LMBR1: variants seen among roughly 807,000 people sequenced by gnomAD.
LMBR1 encodes the protein limb development membrane protein 1.
Under a neutral mutation model 73.9 loss-of-function variants are expected in LMBR1, and 52 were observed. The observed-to-expected ratio is 0.70, with a 90% confidence interval of 0.56 to 0.89. LMBR1 has a LOEUF of 0.89. Among genes scored for constraint, LMBR1 ranks in the 40% least tolerant of loss-of-function variants. LMBR1 has a pLI of 0.00. For missense variants in LMBR1, 539 were observed against 579.8 expected (o/e 0.93, Z 0.72); for synonymous variants, 215 against 209.4 (o/e 1.03, Z -0.23).
intron 15 of LMBR1, among the ~76,000 whole-genome samples, chr7:156,698,743 C>A (rs1379640107): frequency 6.6e-6 from 1 of 152,148 alleles, no homozygotes; most frequent in African/African-American, 2.4e-5. Context: ...CTAAACCTCC[C>A]AGCCTGTGAT....
At chr7:156,689,330 T>C in intron 15 of LMBR1, among the ~76,000 whole-genome samples, 1 of 152,306 alleles carries the variant, frequency 6.6e-6, no homozygotes, top group African/African-American at 2.4e-5. Context: ...CAATCGTCTA[T>C]AAAATTGTAT....
intron 15 of LMBR1, among the ~76,000 whole-genome samples, chr7:156,703,228 T>C (rs1303029737): frequency 1.3e-5 from 2 of 152,094 alleles, no homozygotes; most frequent in South Asian, 2.1e-4. Context: ...GTGTGGAAAT[T>C]AGCAGCACCA....
intron 15 of LMBR1, among the ~76,000 whole-genome samples, chr7:156,715,306 A>C (rs1374569935): frequency 3.9e-5 from 6 of 152,292 alleles, no homozygotes; most frequent in Non-Finnish European, 8.8e-5. Flanking sequence ...CTATTTAAAA[A>C]TAAACAGTTC....
At chr7:156,840,598 T>C (rs954461685) in intron 1 of LMBR1, among the ~76,000 whole-genome samples, 5 of 151,896 alleles carry the variant, frequency 3.3e-5, no homozygotes, top group Non-Finnish European at 5.9e-5. Flanking sequence ...AATTCCACTG[T>C]AGGATTCTGA....
At chr7:156,748,490 AT>A (rs547652353) in intron 9 of LMBR1, among the ~76,000 whole-genome samples, 81 of 151,538 alleles carry the variant, frequency 5.3e-4, no homozygotes, top group African/African-American at 1.7e-3. Flanking sequence ...ACAAATTTGG[AT>A]TTTTTTTTCT....
chr7:156,800,062 T>C (rs1248550093), intron 4 of LMBR1, among the ~76,000 whole-genome samples: 1 of 152,190 alleles, frequency 6.6e-6, no homozygotes, highest in Non-Finnish European at 1.5e-5. Flanking sequence ...AACATAAAAG[T>C]GCAAGGTGAA....
At chr7:156,674,000 TC>T (rs35528114), downstream of LMBR1, among the ~76,000 whole-genome samples, 2 of 152,084 alleles carry the variant, frequency 1.3e-5, no homozygotes, top group African/African-American at 4.8e-5. Flanking sequence ...AAATGCATTT[TC>T]CCCATCACAT....
chr7:156,799,286 G>A (rs1350335564), intron 4 of LMBR1, among the ~76,000 whole-genome samples: 2 of 152,200 alleles, frequency 1.3e-5, no homozygotes, highest in South Asian at 2.1e-4. Flanking sequence ...GATACCGTGT[G>A]ACGGTTTGTG....
At chr7:156,874,356 C>T (rs1243582522) in intron 1 of LMBR1, among the ~76,000 whole-genome samples, 2 of 152,220 alleles carry the variant, frequency 1.3e-5, no homozygotes, top group East Asian at 1.9e-4. Context: ...AAGCGCCACA[C>T]GCAGCCCCGG....
At chr7:156,672,545 C>T (rs981062409) in intron 4 of LMBR1, among the ~76,000 whole-genome samples, 9 of 152,180 alleles carry the variant, frequency 5.9e-5, no homozygotes, top group African/African-American at 2.2e-4. Flanking sequence ...GGAAAATGTA[C>T]TTTAAAAAGT....
At chr7:156,694,793 G>A (rs1245571683) in intron 15 of LMBR1, among the ~76,000 whole-genome samples, 1 of 151,998 alleles carries the variant, frequency 6.6e-6, no homozygotes, top group African/African-American at 2.4e-5. Flanking sequence ...TTCCAAAAAC[G>A]AAATTAACAA....
At chr7:156,876,006 G>A (rs1800115269) in intron 1 of LMBR1, among the ~76,000 whole-genome samples, 1 of 151,920 alleles carries the variant, frequency 6.6e-6, no homozygotes, top group Non-Finnish European at 1.5e-5. Flanking sequence ...TGGCCTAAAT[G>A]CTCCACTTAA....
intron 1 of LMBR1, among the ~76,000 whole-genome samples, chr7:156,865,461 G>A (rs1586322631): frequency 6.6e-6 from 1 of 152,196 alleles, no homozygotes; most frequent in East Asian, 1.9e-4. Flanking sequence ...GACATCACAT[G>A]TTCATGGATT....
intron 5 of LMBR1, among the ~76,000 whole-genome samples, chr7:156,777,619 AC>A (rs747167710): frequency 6.6e-6 from 1 of 152,130 alleles, no homozygotes; most frequent in Admixed American, 6.5e-5. Context: ...CTCAGTTTTT[AC>A]CTAAGTGATC....
intron 15 of LMBR1, among the ~76,000 whole-genome samples, chr7:156,701,427 G>C (rs1033372685): frequency 1.3e-5 from 2 of 152,158 alleles, no homozygotes; most frequent in Non-Finnish European, 2.9e-5. Flanking sequence ...ATGAGTAGAA[G>C]AAGTCAGGTA....
chr7:156,679,909 TAAAG>T lies in LMBR1; in HGVS notation c.*4165_*4168del, dbSNP rs1315351809. 1.3e-5 allele frequency: 2 copies of T among 152,208 alleles called. No individual in the cohort carries two copies. Among genetic ancestry groups the T allele is most frequent in the Admixed American group, 6.5e-5 (1 of 15,276 alleles). 9.4% of individuals were successfully genotyped at this position (152,208 alleles called of 1,614,324 possible). A position where few individuals can be genotyped will look rare whatever the true frequency, so the allele number is the denominator to read the frequency against. ...AACCTTGAAAAAATTTTTTCCTAAT[TAAAG>T]AACACAGAATTGGAAGTTAAATAAC... On this transcript the variant is annotated 3_prime_UTR_variant, in exon 17 of 17. Coordinates refer to ENST00000353442, the MANE Select transcript of LMBR1 (RefSeq NM_022458.4).
intron 15 of LMBR1, among the ~76,000 whole-genome samples, chr7:156,693,388 TAA>T (rs1807634709): frequency 6.6e-6 from 1 of 151,916 alleles, no homozygotes; most frequent in Non-Finnish European, 1.5e-5. Flanking sequence ...TTTTAAAAGA[TAA>T]AAGTGATAAA....
intron 9 of LMBR1, among the ~76,000 whole-genome samples, chr7:156,752,944 A>C (rs1404026950): frequency 6.6e-6 from 1 of 150,494 alleles, no homozygotes; most frequent in Non-Finnish European, 1.5e-5. Flanking sequence ...AAACTGTGCA[A>C]GGAAGTAGGG....
At chr7:156,712,252 T>C (rs1812223432) in intron 15 of LMBR1, among the ~76,000 whole-genome samples, 1 of 152,078 alleles carries the variant, frequency 6.6e-6, no homozygotes, top group African/African-American at 2.4e-5. Context: ...CCAACTAGCA[T>C]ATGAAAAAAT....
Sources: gnomAD v4.1 joint callset for allele counts (sites outside exome capture counted in the v4.1 genomes callset) on GRCh38, gnomAD v4.1.1 for gene constraint, MANE v1.5 for transcripts, NCBI Gene and HGNC (gene_info 2026-07-23, HGNC 2026-07-21) for gene names.